Variants in TSPAN5 observed in about 807,000 individuals in gnomAD.
TSPAN5 encodes the protein tetraspanin-5.
TSPAN5 carries 10 observed loss-of-function variants against 37.1 expected under a neutral mutation model. The ratio of observed to expected loss-of-function variants is 0.27; its 90% confidence interval spans 0.17 to 0.46. TSPAN5 has a LOEUF of 0.46. Among genes scored for constraint, TSPAN5 ranks in the 20% least tolerant of loss-of-function variants. TSPAN5 has a pLI of 1.00. For missense variants in TSPAN5, 195 were observed against 326.6 expected (o/e 0.60, Z 3.11); for synonymous variants, 110 against 118.9 (o/e 0.93, Z 0.48).
chr4:98,505,177 A>G (rs1463836690), intron 2 of TSPAN5, among the ~76,000 whole-genome samples: 1 of 152,092 alleles, frequency 6.6e-6, no homozygotes, highest in African/African-American at 2.4e-5. Flanking sequence ...TATTCAGTCC[A>G]TAGCAAAGCC....
intron 1 of TSPAN5, among the ~76,000 whole-genome samples, chr4:98,554,394 G>C (rs2110159402): frequency 6.9e-6 from 1 of 145,552 alleles, no homozygotes; most frequent in Admixed American, 6.6e-5. Context: ...CTCATACTTT[G>C]TTTGTTCACA....
chr4:98,471,923 T>A lies in TSPAN5; in HGVS notation c.*599A>T, dbSNP rs1423973606. The A allele has an allele frequency of 1.3e-5, 2 of 152,304 alleles. No individual in the cohort carries two copies. Among genetic ancestry groups the A allele is most frequent in the African/African-American group, 4.8e-5 (2 of 41,466 alleles). The allele number at this position is 152,304 out of a possible 1,614,324, so 9.4% of individuals were successfully genotyped here. ...TCTCTTATAAGGAGACTTTCCAGGA[T>A]AGACCAAGTGTGCTCGCCCAAGTGA... On this transcript the variant is annotated 3_prime_UTR_variant, in exon 8 of 8. Coordinates refer to ENST00000305798, the MANE Select transcript of TSPAN5 (RefSeq NM_005723.4).
intron 1 of TSPAN5, among the ~76,000 whole-genome samples, chr4:98,600,979 C>G (rs188976377): frequency 2.6e-5 from 4 of 152,286 alleles, no homozygotes; most frequent in Admixed American, 1.3e-4. Flanking sequence ...AGCATGAAAG[C>G]AAATTAATCT....
rs116091629 is a variant in TSPAN5 at position 98,516,619 on chromosome 4, G to T, written c.82-8891C>A. Among the ~76,000 whole-genome samples, 531 of 152,322 alleles carry T rather than the reference G, an allele frequency of 3.5e-3. 5 individuals are homozygous for T. Among genetic ancestry groups the T allele is most frequent in the African/African-American group, 0.011 (461 of 41,566 alleles). ...ACGGTTTGTCTGCCCTCACCAAAATGAATGTTGAAATTTGATCCCCAATGT... is the reference window on the plus strand; with the variant it reads ...ACGGTTTGTCTGCCCTCACCAAAATTAATGTTGAAATTTGATCCCCAATGT... On this transcript the variant is annotated intron_variant, in intron 1 of 7. Transcript: ENST00000305798.
chr4:98,656,913 T>C (rs922520796), intron 1 of TSPAN5, among the ~76,000 whole-genome samples: 3 of 152,124 alleles, frequency 2.0e-5, no homozygotes, highest in African/African-American at 7.2e-5. Flanking sequence ...ACAGCCCAAA[T>C]TAAAGGAGAA....
At chr4:98,546,428 G>A (rs569309111) in intron 1 of TSPAN5, among the ~76,000 whole-genome samples, 3 of 152,318 alleles carry the variant, frequency 2.0e-5, no homozygotes, top group Admixed American at 6.5e-5. Context: ...AACCATTGGT[G>A]AGCCATGAAA....
chr4:98,655,310 A>G (rs995702903), intron 1 of TSPAN5, among the ~76,000 whole-genome samples: 4 of 152,232 alleles, frequency 2.6e-5, no homozygotes, highest in African/African-American at 9.7e-5. Context: ...TCTGTTATAA[A>G]TTAGTGGCCA....
chr4:98,557,583 A>G (rs932805675), intron 1 of TSPAN5, among the ~76,000 whole-genome samples: 6 of 152,254 alleles, frequency 3.9e-5, no homozygotes, highest in African/African-American at 1.4e-4. Flanking sequence ...CAAATAATTT[A>G]TGTAAATATT....
At chr4:98,621,005 G>T (rs1239294276) in intron 1 of TSPAN5, among the ~76,000 whole-genome samples, 3 of 152,172 alleles carry the variant, frequency 2.0e-5, no homozygotes. Context: ...AATCATTGCA[G>T]GTATACTTAA....
chr4:98,566,279 G>A (rs1442034004), intron 1 of TSPAN5, among the ~76,000 whole-genome samples: 1 of 149,370 alleles, frequency 6.7e-6, no homozygotes, highest in Admixed American at 6.8e-5. Flanking sequence ...ACACAAAGTG[G>A]AGCCCCAGCA....
At chr4:98,497,116 G>C (rs1753229199) in intron 2 of TSPAN5, among the ~76,000 whole-genome samples, 1 of 152,036 alleles carries the variant, frequency 6.6e-6, no homozygotes, top group Non-Finnish European at 1.5e-5. Context: ...CATGAGGTCA[G>C]GAGTTTGAGA....
rs1469791154 is a variant in TSPAN5, at chr4:98,658,106, C to G, written c.81+40G>C. The G allele has an allele frequency of 6.5e-6, 10 of 1,548,100 alleles. No individual in the cohort carries two copies. In the South Asian group the frequency reaches 1.1e-4, roughly 17 times the overall value. On this transcript the variant is annotated intron_variant, in intron 1 of 7. Coordinates refer to ENST00000305798, the MANE Select transcript of TSPAN5 (RefSeq NM_005723.4). ...GTGGGGGAAATCGTCGCGAATCGAT[C>G]GGCCACAATAGTTGGAATCCCAGGA...
intron 1 of TSPAN5, among the ~76,000 whole-genome samples, chr4:98,513,253 C>G (rs998565006): frequency 3.9e-5 from 6 of 152,234 alleles, no homozygotes; most frequent in African/African-American, 1.2e-4. Flanking sequence ...CCATGCAGGC[C>G]TTGTAGCCCA....
intron 1 of TSPAN5, among the ~76,000 whole-genome samples, chr4:98,649,700 G>A (rs746534996): frequency 3.9e-5 from 6 of 152,182 alleles, no homozygotes; most frequent in Non-Finnish European, 5.9e-5. Context: ...ATCTGTGAAA[G>A]TAACTTACTC....
chr4:98,647,207 A>C (rs1436234492), intron 1 of TSPAN5, among the ~76,000 whole-genome samples: 2 of 152,210 alleles, frequency 1.3e-5, no homozygotes, highest in Non-Finnish European at 2.9e-5. Context: ...TGACCTATGG[A>C]GTCTCCAGTT....
intron 1 of TSPAN5, among the ~76,000 whole-genome samples, chr4:98,538,112 AG>A (rs1754277926): frequency 6.6e-6 from 1 of 152,260 alleles, no homozygotes; most frequent in African/African-American, 2.4e-5. Context: ...ACGTGCACAC[AG>A]GAAGGCTCAG....
At chr4:98,652,349 A>G (rs1378564988) in intron 1 of TSPAN5, among the ~76,000 whole-genome samples, 2 of 152,358 alleles carry the variant, frequency 1.3e-5, no homozygotes, top group African/African-American at 2.4e-5. Flanking sequence ...AATGCTGTCT[A>G]CAATACTCCA....
rs1756474335 is a variant in TSPAN5 at position 98,621,312 on chromosome 4, C to T, written c.81+36834G>A. On this transcript the variant is annotated intron_variant, in intron 1 of 7. Transcript: ENST00000305798. ...GGGCAATACATTTCTGTAGTTTATG[C>T]CACCCAGTTTCTAGAACTTCATTAC... 2.0e-5 allele frequency among the ~76,000 whole-genome samples: 3 copies of T among 151,768 alleles called. No individual in the cohort carries two copies. The South Asian group carries it at 6.3e-4, about 32-fold the overall frequency.
intron 1 of TSPAN5, among the ~76,000 whole-genome samples, chr4:98,554,206 A>G (rs1387520858): frequency 6.6e-6 from 1 of 152,234 alleles, no homozygotes; most frequent in Non-Finnish European, 1.5e-5. Flanking sequence ...TACTTCAACA[A>G]TAACATTTTC....
Sources: gnomAD v4.1 joint callset for allele counts (sites outside exome capture counted in the v4.1 genomes callset) on GRCh38, gnomAD v4.1.1 for gene constraint, MANE v1.5 for transcripts, NCBI Gene and HGNC (gene_info 2026-07-23, HGNC 2026-07-21) for gene names.